LRP1B: variants seen among roughly 807,000 people sequenced by gnomAD.
LRP1B encodes the protein LDL receptor related protein 1B.
In LRP1B, 217 loss-of-function variants were observed where a neutral mutation model predicts 556.6. That is an observed-to-expected ratio of 0.39 (90% CI 0.35 to 0.44). The LOEUF (loss-of-function observed/expected upper bound fraction) is 0.44, where lower values mean the gene tolerates loss of function less well. Among genes scored for constraint, LRP1B ranks in the 20% least tolerant of loss-of-function variants. LRP1B has a pLI of 1.00. For synonymous variants in LRP1B, 2,047 were observed against 1,865.8 expected (o/e 1.10, Z -2.50); for missense variants, 5,053 against 5,620.8 (o/e 0.90, Z 3.23).
chr2:140,798,760 C>T (rs1573733322), intron 32 of LRP1B, among the ~76,000 whole-genome samples: 1 of 152,290 alleles, frequency 6.6e-6, no homozygotes, highest in East Asian at 1.9e-4. Flanking sequence ...TGTCTTCAGA[C>T]ATTGCCAAAT....
intron 6 of LRP1B, among the ~76,000 whole-genome samples, chr2:141,219,858 A>G (rs1682964000): frequency 6.6e-6 from 1 of 152,140 alleles, no homozygotes; most frequent in Admixed American, 6.5e-5. Context: ...GATGGGCCTG[A>G]TTGCCAAAAG....
At chr2:140,385,001 C>T (rs7581105) in intron 67 of LRP1B, among the ~76,000 whole-genome samples, 13,395 of 152,164 alleles carry the variant, frequency 0.088, 699 homozygotes, top group Middle Eastern at 0.14. Flanking sequence ...CCTGTCATCC[C>T]CACACTTTGG....
chr2:140,576,641 C>G (rs1302274387), intron 43 of LRP1B, among the ~76,000 whole-genome samples: 1 of 152,156 alleles, frequency 6.6e-6, no homozygotes, highest in Non-Finnish European at 1.5e-5. Context: ...CTTCCTGCCC[C>G]CAAATTCTCC....
intron 2 of LRP1B, among the ~76,000 whole-genome samples, chr2:141,696,792 C>A (rs1192148453): frequency 1.3e-5 from 2 of 151,908 alleles, no homozygotes; most frequent in African/African-American, 2.4e-5. Context: ...TTGGTGACCA[C>A]TAACTGAGAG....
intron 41 of LRP1B, among the ~76,000 whole-genome samples, chr2:140,679,173 G>A (rs1685776499): frequency 6.6e-6 from 1 of 152,096 alleles, no homozygotes; most frequent in African/African-American, 2.4e-5. Flanking sequence ...GCTGCTATTA[G>A]AAGGATACTA....
In LRP1B at chr2:141,953,290, A is replaced by ATTCAT. The variant is rs1701161568; in HGVS notation, c.83-142894_83-142890dup. On this transcript the variant is annotated intron_variant, in intron 1 of 90. Coordinates refer to ENST00000389484, the MANE Select transcript of LRP1B (RefSeq NM_018557.3). ...TCTTAATAAGTACCTGTAAATGATA[A>ATTCAT]TTCATTTTCCTTTCCTATTTATACA... Among the ~76,000 whole-genome samples, 7 of 152,244 alleles carry ATTCAT rather than the reference A, an allele frequency of 4.6e-5. No individual in the cohort carries two copies. In the South Asian group the frequency reaches 1.5e-3, roughly 32 times the overall value.
intron 49 of LRP1B, among the ~76,000 whole-genome samples, chr2:140,517,871 C>T (rs982923566): frequency 1.1e-4 from 17 of 151,646 alleles, no homozygotes; most frequent in Non-Finnish European, 1.8e-4. Flanking sequence ...CCACCATGCC[C>T]GGCTAATTTT....
chr2:141,023,207 T>C (rs1260732720), intron 11 of LRP1B, among the ~76,000 whole-genome samples: 1 of 151,944 alleles, frequency 6.6e-6, no homozygotes, highest in East Asian at 1.9e-4. Context: ...ATCTTTGTTC[T>C]AGTAATTTCA....
chr2:141,638,685 T>A lies in LRP1B; in HGVS notation c.206-158152A>T, dbSNP rs1268636571. Among the ~76,000 whole-genome samples the A allele has an allele frequency of 3.6e-5, 4 of 110,374 alleles. 2 individuals are homozygous for A. The highest frequency in any genetic ancestry group is 8.4e-5 in the Non-Finnish European group (4 of 47,456). The allele number at this position is 110,374 out of a possible 152,430, so 72.4% of individuals were successfully genotyped here. On this transcript the variant is annotated intron_variant, in intron 2 of 90. Transcript: ENST00000389484. The stretch of plus-strand genomic sequence containing the variant: ...GTAGATTCATTCCTGGACCCAGGAG[T>A]ACGCATCATCAAGCAATTTGAAGGC...
At chr2:142,002,033 A>C (rs917477037) in intron 1 of LRP1B, among the ~76,000 whole-genome samples, 1 of 152,200 alleles carries the variant, frequency 6.6e-6, no homozygotes, top group Non-Finnish European at 1.5e-5. Flanking sequence ...AAAAAGGAAA[A>C]TAATTACTTA....
intron 1 of LRP1B, among the ~76,000 whole-genome samples, chr2:142,067,857 CAT>C (rs755141016): frequency 3.3e-5 from 5 of 151,466 alleles, no homozygotes; most frequent in Non-Finnish European, 7.4e-5. Context: ...TCAAGTGAGC[CAT>C]ATGTTATTTT....
At chr2:141,739,953 A>G (rs73963576) in intron 2 of LRP1B, among the ~76,000 whole-genome samples, 4 of 152,112 alleles carry the variant, frequency 2.6e-5, no homozygotes, top group Admixed American at 1.3e-4. Flanking sequence ...TAGAAGTTAC[A>G]TGATGAGATA....
intron 1 of LRP1B, among the ~76,000 whole-genome samples, chr2:141,927,204 T>C (rs975173704): frequency 6.6e-6 from 1 of 152,076 alleles, no homozygotes; most frequent in Non-Finnish European, 1.5e-5. Flanking sequence ...ATTCCCCTAA[T>C]AGATTACCAT....
At chr2:141,847,483 G>T (rs1697692976) in intron 1 of LRP1B, among the ~76,000 whole-genome samples, 2 of 151,282 alleles carry the variant, frequency 1.3e-5, no homozygotes, top group South Asian at 4.2e-4. Context: ...TCTATAATTG[G>T]CTGAAACAAC....
At chr2:140,281,729 C>T (rs1682919689) in intron 84 of LRP1B, among the ~76,000 whole-genome samples, 1 of 151,794 alleles carries the variant, frequency 6.6e-6, no homozygotes, top group Non-Finnish European at 1.5e-5. Context: ...ATTACCATCA[C>T]AAAGACTAGG....
At chr2:140,269,788 A>G (rs1682377155) in intron 86 of LRP1B, among the ~76,000 whole-genome samples, 4 of 151,998 alleles carry the variant, frequency 2.6e-5, no homozygotes, top group Admixed American at 2.6e-4. Context: ...TAAAGGAGCC[A>G]GGGGCTTAAT....
At chr2:141,659,764 T>C (rs1690144374) in intron 2 of LRP1B, among the ~76,000 whole-genome samples, 1 of 152,152 alleles carries the variant, frequency 6.6e-6, no homozygotes, top group African/African-American at 2.4e-5. Flanking sequence ...AATTTACCTT[T>C]CTGAGTTTCT....
chr2:140,467,612 CAAA>C (rs36060070), intron 60 of LRP1B, among the ~76,000 whole-genome samples: 8 of 85,924 alleles, frequency 9.3e-5, no homozygotes, highest in African/African-American at 1.3e-4. Flanking sequence ...AACTCCATCT[CAAA>C]AAAAAAAAAA....
At chr2:141,332,114 T>C (rs1687677583) in intron 3 of LRP1B, among the ~76,000 whole-genome samples, 1 of 152,240 alleles carries the variant, frequency 6.6e-6, no homozygotes, top group East Asian at 1.9e-4. Context: ...TGTTGATTTT[T>C]TTTTTTGTCT....
Sources: allele counts gnomAD v4.1 joint callset (sites outside exome capture counted in the v4.1 genomes callset), GRCh38; gene constraint gnomAD v4.1.1; transcripts MANE v1.5; gene names NCBI Gene and HGNC (gene_info 2026-07-23, HGNC 2026-07-21).